Variants in RAB28 observed in about 807,000 individuals in gnomAD.
RAB28 encodes RAB28, member RAS oncogene family, also known as ras-related protein Rab-28.
Under a neutral mutation model 31.7 loss-of-function variants are expected in RAB28, and 24 were observed. The observed-to-expected ratio is 0.76, with a 90% CI of 0.55 to 1.06. The LOEUF (loss-of-function observed/expected upper bound fraction) is 1.06. Ranked by LOEUF, RAB28 falls within the 50% of genes least tolerant of loss-of-function variation. RAB28 has a pLI of 0.00. For missense variants in RAB28, 254 were observed against 258.5 expected (o/e 0.98, Z 0.12); for synonymous variants, 100 against 90.4 (o/e 1.11, Z -0.60).
intron 4 of RAB28, among the ~76,000 whole-genome samples, chr4:13,386,256 A>G (rs898134262): frequency 6.6e-6 from 1 of 152,116 alleles, no homozygotes; most frequent in Non-Finnish European, 1.5e-5. Flanking sequence ...AAAATTTACA[A>G]ATGGTACCTA....
At chr4:13,371,050 TAA>T (rs1328741252) in intron 6 of RAB28, 1 of 983,742 alleles carries the variant, frequency 1.0e-6, no homozygotes, top group Non-Finnish European at 1.2e-6. Flanking sequence ...ATTAATTTAT[TAA>T]GATAGAAAAG....
chr4:13,377,806 A>G (rs910582259), intron 5 of RAB28, among the ~76,000 whole-genome samples: 1 of 152,224 alleles, frequency 6.6e-6, no homozygotes, highest in Non-Finnish European at 1.5e-5. Flanking sequence ...AGTAAGAAAC[A>G]GTCATCAGGT....
At chr4:13,446,330 A>G (rs1195197776) in intron 4 of RAB28, among the ~76,000 whole-genome samples, 1 of 152,182 alleles carries the variant, frequency 6.6e-6, no homozygotes, top group African/African-American at 2.4e-5. Flanking sequence ...CCACTGAGCA[A>G]GATCGCTTGG....
Position 13,477,483 on chromosome 4 carries a change from T to C in RAB28, c.172+1947A>G, listed in dbSNP as rs1264210957. The stretch of plus-strand genomic sequence containing the variant: ...CTACATGTGACACTTATAATGAATG[T>C]ACATTAAAGTATATAAAGGATAATT... On this transcript the variant is annotated intron_variant, in intron 2 of 6. Transcript: ENST00000330852. Among the ~76,000 whole-genome samples, 5 of 151,634 alleles carry C rather than the reference T, an allele frequency of 3.3e-5. 1 individual carries two copies. The highest frequency in any genetic ancestry group is 5.9e-5 in the Non-Finnish European group (4 of 67,586).
intron 4 of RAB28, among the ~76,000 whole-genome samples, chr4:13,407,103 T>G (rs1712143245): frequency 6.6e-6 from 1 of 152,226 alleles, no homozygotes; most frequent in Admixed American, 6.5e-5. Flanking sequence ...CTGAATGATA[T>G]TGCCTAGGTT....
At chr4:13,473,182 A>C (rs1302518958) in intron 3 of RAB28, among the ~76,000 whole-genome samples, 3 of 151,930 alleles carry the variant, frequency 2.0e-5, no homozygotes. Flanking sequence ...ACATGAACCA[A>C]ACTTTGTACA....
intron 5 of RAB28, among the ~76,000 whole-genome samples, chr4:13,379,867 A>T (rs2108881088): frequency 6.6e-6 from 1 of 152,320 alleles, no homozygotes. Context: ...GGAGCTAGAA[A>T]TGATTACAAG....
At chr4:13,457,524 T>C (rs1486236156) in intron 4 of RAB28, among the ~76,000 whole-genome samples, 1 of 151,778 alleles carries the variant, frequency 6.6e-6, no homozygotes. Context: ...TGTGACTGCA[T>C]ACACTAATAT....
chr4:13,473,734 A>G (rs945931747), intron 3 of RAB28: 3 of 287,468 alleles, frequency 1.0e-5, no homozygotes, highest in Non-Finnish European at 2.1e-5. Flanking sequence ...TATTCAGGTC[A>G]TTTTTCATTT....
chr4:13,402,208 T>G (rs995082846), intron 4 of RAB28, among the ~76,000 whole-genome samples: 6 of 152,224 alleles, frequency 3.9e-5, no homozygotes, highest in African/African-American at 1.4e-4. Flanking sequence ...CATATATTCT[T>G]CTGTTGTCAG....
intron 4 of RAB28, among the ~76,000 whole-genome samples, chr4:13,411,332 C>G (rs1712431595): frequency 1.3e-5 from 2 of 151,726 alleles, no homozygotes; most frequent in African/African-American, 4.8e-5. Context: ...TGTACTCAGG[C>G]AAAACAAAAA....
intron 3 of RAB28, among the ~76,000 whole-genome samples, chr4:13,466,251 G>A (rs1283382164): frequency 6.6e-6 from 1 of 151,624 alleles, no homozygotes. Flanking sequence ...CAGCAAAGGA[G>A]GAAAAAATTA....
chr4:13,431,260 A>G (rs985949388), intron 4 of RAB28, among the ~76,000 whole-genome samples: 2 of 152,182 alleles, frequency 1.3e-5, no homozygotes, highest in African/African-American at 4.8e-5. Flanking sequence ...CCACAGCCAC[A>G]CTGAATCCAG....
intron 4 of RAB28, among the ~76,000 whole-genome samples, chr4:13,385,551 G>A: frequency 6.6e-6 from 1 of 152,116 alleles, no homozygotes; most frequent in East Asian, 1.9e-4. Flanking sequence ...TGTTCTTAAA[G>A]AAAAGAAATT....
At chr4:13,368,800 GACAA>G (rs762260380) in intron 6 of RAB28, 150 bp from the exon 7 acceptor site, 75 of 556,580 alleles carry the variant, frequency 1.3e-4, no homozygotes, top group Non-Finnish European at 1.8e-4. Context: ...GAATAAGCCA[GACAA>G]ACAAACAAAG....
intron 2 of RAB28, among the ~76,000 whole-genome samples, chr4:13,479,228 G>C (rs1201369134): frequency 6.6e-6 from 1 of 151,502 alleles, no homozygotes; most frequent in East Asian, 1.9e-4. Context: ...GAGTGGGAGA[G>C]TATATAAACT....
At chr4:13,462,463 T>C (rs551185159) in intron 3 of RAB28, among the ~76,000 whole-genome samples, 30 of 152,326 alleles carry the variant, frequency 2.0e-4, no homozygotes, top group African/African-American at 7.0e-4. Context: ...ACTTTATACA[T>C]AATTTTTCAT....
At chr4:13,382,862 C>A (rs555848982) in intron 4 of RAB28, among the ~76,000 whole-genome samples, 85 of 151,994 alleles carry the variant, frequency 5.6e-4, no homozygotes, top group African/African-American at 1.9e-3. Flanking sequence ...CCACGCCCGG[C>A]TAATTTTTTG....
At chr4:13,371,935 A>C (rs1728729476) in intron 6 of RAB28, 1 of 1,406,190 alleles carries the variant, frequency 7.1e-7, no homozygotes, top group Admixed American at 2.0e-5. Flanking sequence ...GCATTTGCCA[A>C]GTGTATACTG....
Sources: allele counts gnomAD v4.1 joint callset (sites outside exome capture counted in the v4.1 genomes callset), GRCh38; gene constraint gnomAD v4.1.1; transcripts MANE v1.5; gene names NCBI Gene and HGNC (gene_info 2026-07-23, HGNC 2026-07-21).